The following ADAMTS6 variants were observed in gnomAD, a reference collection of about 807,000 sequenced individuals.
The protein encoded by ADAMTS6 is ADAM metallopeptidase with thrombospondin type 1 motif 6.
Under a neutral mutation model 144.3 loss-of-function variants are expected in ADAMTS6, and 23 were observed. The ratio of observed to expected loss-of-function variants is 0.16; its 90% CI spans 0.11 to 0.23. ADAMTS6 has a LOEUF of 0.23. Ranked by LOEUF, ADAMTS6 falls within the 10% of genes least tolerant of loss-of-function variation. The pLI, the probability that ADAMTS6 is intolerant of heterozygous loss-of-function variation, is 1.00. For missense variants in ADAMTS6, 999 were observed against 1,379.6 expected, an observed-to-expected ratio of 0.72 and a Z score of 4.37; for synonymous variants, 444 against 457.5, an observed-to-expected ratio of 0.97 and a Z score of 0.38.
intron 9 of ADAMTS6, among the ~76,000 whole-genome samples, chr5:65,321,580 T>C: frequency 6.6e-6 from 1 of 152,118 alleles, no homozygotes; most frequent in African/African-American, 2.4e-5. Flanking sequence ...TTTGTTGTAA[T>C]TGCTTTTGGC....
At chr5:65,292,112 G>A (rs972297838) in intron 10 of ADAMTS6, among the ~76,000 whole-genome samples, 20 of 152,040 alleles carry the variant, frequency 1.3e-4, no homozygotes, top group African/African-American at 4.3e-4. Flanking sequence ...TAATTTCTGC[G>A]TTTCAAGCTA....
chr5:65,179,526 A>T (rs1009314111), intron 22 of ADAMTS6, among the ~76,000 whole-genome samples: 1 of 152,242 alleles, frequency 6.6e-6, no homozygotes, highest in African/African-American at 2.4e-5. Context: ...GTAATAACTT[A>T]GGAATAGGAT....
Position 65,473,815 on chromosome 5 carries a change from CT to C in ADAMTS6, c.-143del. ...TGGATGTTCCACTGTTTAAGAGCCA[CT>C]TTTATCCAACATCCTGCACTTTCTT... On this transcript the variant is annotated 5_prime_UTR_variant, in exon 2 of 25. An upstream open reading frame in the 5' UTR loses its in-frame stop. Coordinates refer to ENST00000381055, the MANE Select transcript of ADAMTS6 (RefSeq NM_197941.4). The C allele has an allele frequency of 1.7e-6, 1 of 604,458 alleles. No homozygotes were observed. Among genetic ancestry groups the C allele is most frequent in the Non-Finnish European group, 3.0e-6 (1 of 336,182 alleles). The allele number at this position is 604,458 out of a possible 1,614,324, so 37.4% of individuals were successfully genotyped here.
intron 3 of ADAMTS6, among the ~76,000 whole-genome samples, chr5:65,469,008 C>G (rs147223438): frequency 0.019 from 2,934 of 152,316 alleles, 40 homozygotes; most frequent in Non-Finnish European, 0.028. Context: ...GTTCTCAACT[C>G]ATAACATTCA....
At chr5:65,305,815 C>G (rs1743888301) in intron 9 of ADAMTS6, among the ~76,000 whole-genome samples, 1 of 151,286 alleles carries the variant, frequency 6.6e-6, no homozygotes, top group Non-Finnish European at 1.5e-5. Flanking sequence ...CACACATGGA[C>G]ACACACACAC....
chr5:65,458,514 C>T (rs921725384), intron 4 of ADAMTS6, among the ~76,000 whole-genome samples: 4 of 152,134 alleles, frequency 2.6e-5, no homozygotes, highest in Non-Finnish European at 5.9e-5. Context: ...CGGGTTTAAG[C>T]GATTCTTCTG....
At chr5:65,466,884 C>T (rs1022303390) in intron 3 of ADAMTS6, among the ~76,000 whole-genome samples, 3 of 151,946 alleles carry the variant, frequency 2.0e-5, no homozygotes, top group Non-Finnish European at 2.9e-5. Context: ...CTACTAAAAA[C>T]ACAAAAAATT....
intron 3 of ADAMTS6, among the ~76,000 whole-genome samples, chr5:65,469,692 TC>T (rs1459453036): frequency 1.3e-5 from 2 of 152,232 alleles, no homozygotes; most frequent in African/African-American, 4.8e-5. Context: ...TGGAGCACAT[TC>T]CTATATACAT....
chr5:65,372,762 A>T (rs1163775432), intron 7 of ADAMTS6, among the ~76,000 whole-genome samples: 3 of 152,346 alleles, frequency 2.0e-5, no homozygotes, highest in East Asian at 3.9e-4. Flanking sequence ...CAGACCTAAT[A>T]GACATCTACA....
intron 22 of ADAMTS6, among the ~76,000 whole-genome samples, chr5:65,184,735 C>G (rs7735218): frequency 1.3e-5 from 2 of 151,840 alleles, no homozygotes; most frequent in Non-Finnish European, 2.9e-5. Flanking sequence ...ATAGGATATG[C>G]GAAAGCTGTG....
chr5:65,365,664 T>C (rs1750238904), intron 7 of ADAMTS6, among the ~76,000 whole-genome samples: 1 of 97,622 alleles, frequency 1.0e-5, no homozygotes, highest in Non-Finnish European at 2.0e-5. Context: ...AAAAAAAAAA[T>C]TAACTGAACA....
intron 11 of ADAMTS6, among the ~76,000 whole-genome samples, chr5:65,274,528 A>G (rs960570848): frequency 1.8e-4 from 28 of 152,152 alleles, no homozygotes; most frequent in African/African-American, 6.8e-4. Flanking sequence ...AATCAGAATT[A>G]AGGCAATGAA....
chr5:65,282,388 T>G (rs1283387073), intron 11 of ADAMTS6, among the ~76,000 whole-genome samples: 1 of 152,100 alleles, frequency 6.6e-6, no homozygotes, highest in East Asian at 1.9e-4. Context: ...ATCAAGGTTC[T>G]TATTATGCAG....
Position 65,226,068 on chromosome 5 carries a change from G to A in ADAMTS6, c.2067+18C>T. On this transcript the variant is annotated intron_variant, in intron 16 of 24. Transcript: ENST00000381055. ...AAGTCTCAAAAACCCCAACAGAAAG[G>A]AGTAAAATCTGAGCAACCTTGCATT... is the stretch of plus-strand genomic sequence containing the variant. 1 of 1,591,946 alleles carries A rather than the reference G, an allele frequency of 6.3e-7. No individual in the cohort carries two copies. The highest frequency in any genetic ancestry group is 8.6e-7 in the Non-Finnish European group (1 of 1,167,356).
chr5:65,392,607 C>T lies in ADAMTS6; in HGVS notation c.1074-58522G>A, dbSNP rs187736370. Among the ~76,000 whole-genome samples the T allele has an allele frequency of 1.1e-3, 168 of 152,246 alleles. 1 individual carries two copies. Among genetic ancestry groups the T allele is most frequent in the African/African-American group, 3.8e-3 (159 of 41,546 alleles). ...GGATCCCTGTGTTCTTGTTATATGACCCCATTGTTTTATTTAGCACTGACC... is the reference window on the plus strand; with the variant it reads ...GGATCCCTGTGTTCTTGTTATATGATCCCATTGTTTTATTTAGCACTGACC... On this transcript the variant is annotated intron_variant, in intron 7 of 24. Transcript: ENST00000381055.
At chr5:65,412,160 T>C (rs951097212) in intron 7 of ADAMTS6, among the ~76,000 whole-genome samples, 1 of 152,138 alleles carries the variant, frequency 6.6e-6, no homozygotes, top group East Asian at 1.9e-4. Context: ...CAAGAAAAGA[T>C]CTTTAATGCT....
At chr5:65,222,007 T>C (rs1757356205) in intron 18 of ADAMTS6, among the ~76,000 whole-genome samples, 1 of 152,170 alleles carries the variant, frequency 6.6e-6, no homozygotes, top group South Asian at 2.1e-4. Context: ...AGGTAAATCT[T>C]TTCATGTATT....
chr5:65,170,904 C>G (rs1753580557), intron 23 of ADAMTS6, 131 bp from the exon 24 acceptor site: 1 of 944,372 alleles, frequency 1.1e-6, no homozygotes, highest in Admixed American at 3.3e-5. Flanking sequence ...CAGCGTCTTG[C>G]TATGTTGGCC....
intron 7 of ADAMTS6, among the ~76,000 whole-genome samples, chr5:65,395,602 T>G (rs1753271496): frequency 6.6e-6 from 1 of 152,136 alleles, no homozygotes; most frequent in Non-Finnish European, 1.5e-5. Context: ...TTTTAGAAAT[T>G]CTATGCCCTG....
Sources: allele counts gnomAD v4.1 joint callset (sites outside exome capture counted in the v4.1 genomes callset), GRCh38; gene constraint gnomAD v4.1.1; transcripts MANE v1.5; gene names NCBI Gene and HGNC (gene_info 2026-07-23, HGNC 2026-07-21).